TPR: variants seen among roughly 807,000 people sequenced by gnomAD.
TPR encodes nucleoprotein TPR.
In TPR, 51 loss-of-function variants were observed where a neutral mutation model predicts 316.1. The observed-to-expected ratio is 0.16, with a 90% CI of 0.13 to 0.20. The LOEUF is 0.20. Ranked by LOEUF, TPR falls within the 10% of genes least tolerant of loss-of-function variation. TPR has a pLI of 1.00. For synonymous variants in TPR, 981 were observed against 914.7 expected (o/e 1.07, Z -1.31); for missense variants, 2,272 against 2,754.8 (o/e 0.82, Z 3.92).
At chr1:186,374,022 T>TA (rs1209779475) in intron 1 of TPR, among the ~76,000 whole-genome samples, 2 of 152,238 alleles carry the variant, frequency 1.3e-5, no homozygotes, top group Non-Finnish European at 2.9e-5. Context: ...CAATGTACTA[T>TA]ACTCAGCTCT....
chr1:186,325,878 A>T (rs779468228), intron 41 of TPR, 24 bp from the exon 42 acceptor site: 1 of 1,604,076 alleles, frequency 6.2e-7, no homozygotes, highest in Non-Finnish European at 8.5e-7. Flanking sequence ...GTGGTAACAT[A>T]ATGCTCAAAT....
In TPR at chr1:186,320,328, C is replaced by A; in HGVS notation, c.6552G>T (p.Gln2184His). The change falls in exon 46 of 51, where the codon CAG (glutamine) becomes CAT (histidine). Residue 2184 changes from glutamine (Q) to histidine (H), a missense_variant. Gln to His is a conservative substitution (Grantham distance 24). Around this residue, in one of 10 missense-constraint regions of TPR, gnomAD observed 88 missense variants for 176.2 expected, o/e 0.50. Transcript: ENST00000367478. The stretch of plus-strand genomic sequence containing the variant: ...ACTATTTACCTCCTTGAGAAGCAAG[C>A]TGGCCAAGATCAGAGTGACTAGAAC... ...QTSSSHSDLG[Q>H]LASQGGLGMY... 1 of 1,609,580 alleles carries A rather than the reference C, an allele frequency of 6.2e-7. No homozygotes were observed. Among genetic ancestry groups the A allele is most frequent in the Non-Finnish European group, 8.5e-7 (1 of 1,177,456 alleles).
chr1:186,356,551 C>T, intron 14 of TPR, 102 bp from the exon 15 acceptor site: 2 of 1,116,152 alleles, frequency 1.8e-6, no homozygotes, highest in Non-Finnish European at 1.2e-6. Flanking sequence ...ATTCATCATA[C>T]CATTTTTGTC....
intron 41 of TPR, 26 bp downstream of exon 41, chr1:186,326,078 G>C (rs1657922726): frequency 6.2e-7 from 1 of 1,613,256 alleles, no homozygotes; most frequent in African/African-American, 1.3e-5. Context: ...AAAGAACTAT[G>C]AATGGTTAAA....
At position 186,313,839 on chromosome 1, in the gene TPR, A is replaced by T. The variant is rs1553226197; in HGVS notation, c.*132T>A. On this transcript the variant is annotated 3_prime_UTR_variant, in exon 51 of 51. Transcript: ENST00000367478. ...ATGAATAATAAATTTTGACACTGAAAAACATTTTATTAATAAAGAATATTG... is the reference window on the plus strand; with the variant it reads ...ATGAATAATAAATTTTGACACTGAATAACATTTTATTAATAAAGAATATTG... 4.0e-6 allele frequency: 6 copies of T among 1,499,860 alleles called. No individual in the cohort carries two copies. The South Asian group carries it at 5.6e-5, about 14-fold the overall frequency. 92.9% of individuals were successfully genotyped at this position (1,499,860 alleles called of 1,614,324 possible). A position where few individuals can be genotyped will look rare whatever the true frequency, so the allele number is the denominator to read the frequency against.
chr1:186,324,367 G>A (rs1285185004), intron 42 of TPR, among the ~76,000 whole-genome samples: 1 of 152,186 alleles, frequency 6.6e-6, no homozygotes, highest in East Asian at 1.9e-4. Context: ...AAAGGATAAA[G>A]ACAGAGGAGA....
At position 186,360,179 on chromosome 1, in the gene TPR, T is replaced by C; in HGVS notation, c.1191+94A>G. The C allele has an allele frequency of 2.8e-6, 4 of 1,439,978 alleles. No individual in the cohort carries two copies. The South Asian group carries it at 5.0e-5, about 18-fold the overall frequency. 89.2% of individuals were successfully genotyped at this position (1,439,978 alleles called of 1,614,324 possible). On this transcript the variant is annotated intron_variant, in intron 11 of 50. Coordinates refer to ENST00000367478, the MANE Select transcript of TPR (RefSeq NM_003292.3). ...AATGATCCACTAATTATAAGATGAT[T>C]TTAAAAATAAGTTTTGGGAGAATTA...
intron 49 of TPR, among the ~76,000 whole-genome samples, chr1:186,316,492 TG>T (rs1657617027): frequency 6.6e-6 from 1 of 152,212 alleles, no homozygotes. Flanking sequence ...CCATAAAATC[TG>T]AAGGTTCCAT....
In TPR at chr1:186,322,534, G is replaced by A. The variant is rs1315788077; in HGVS notation, c.6350C>T (p.Pro2117Leu). 6.2e-7 allele frequency: 1 copy of A among 1,613,896 alleles called. No homozygotes were observed. Among genetic ancestry groups the A allele is most frequent in the African/African-American group, 1.3e-5 (1 of 74,914 alleles). Residue 2117 changes from proline (P) to leucine (L), a missense_variant, in exon 44 of 51, where the codon CCA (proline) becomes CTA (leucine). Physicochemically the swap from Pro to Leu is moderately conservative, Grantham distance 98 (BLOSUM62 -3). This residue lies in a region of TPR where 88 missense variants were observed against 176.2 expected (regional missense o/e 0.50). Coordinates refer to ENST00000367478, the MANE Select transcript of TPR (RefSeq NM_003292.3). The stretch of plus-strand genomic sequence containing the variant: ...AGTACTTACCATGCCACCTATTCCT[G>A]GAGTCAACTGAAGGCCACGTCCTAC... ...QSVGRGLQLT[P>L]GIGGMQQHFF...
chr1:186,369,685 GTAAAGA>G (rs942066076), intron 3 of TPR, among the ~76,000 whole-genome samples: 130 of 152,186 alleles, frequency 8.5e-4, no homozygotes, highest in African/African-American at 3.1e-3. Flanking sequence ...TAATCTATAA[GTAAAGA>G]TAATTTTATT....
Position 186,336,535 on chromosome 1 carries a change from C to T in TPR, c.4666G>A (p.Ala1556Thr). 6.2e-7 allele frequency: 1 copy of T among 1,613,898 alleles called. No homozygotes were observed. ...ITEKEEKTRK[A>T]IVAAKSKIAH... ...ATTTTTGACTTTGCTGCTACAATAGCCTTTCTGGTTTTTTCTTCCTTTTCA... is the reference window on the plus strand; with the variant it reads ...ATTTTTGACTTTGCTGCTACAATAGTCTTTCTGGTTTTTTCTTCCTTTTCA... The change falls in exon 33 of 51, where the codon GCT becomes ACT. Residue 1556 changes from alanine to threonine, a missense_variant. By Grantham distance (58) the Ala-to-Thr change is moderately conservative (BLOSUM62 0). Transcript: ENST00000367478.
intron 13 of TPR, 48 bp downstream of exon 13, chr1:186,358,495 G>A (rs1571631721): frequency 7.1e-7 from 1 of 1,408,128 alleles, no homozygotes; most frequent in East Asian, 2.3e-5. Flanking sequence ...AAAGATTACT[G>A]GGCAGTCAGG....
At chr1:186,347,504 T>C (rs1658720169) in intron 21 of TPR, 46 bp from the exon 22 acceptor site, 2 of 1,585,138 alleles carry the variant, frequency 1.3e-6, no homozygotes, top group Non-Finnish European at 1.7e-6. Context: ...TTCAATAGTA[T>C]TAGAGATGAC....
rs997820118 is a variant in TPR, at chr1:186,339,735, T to C, written c.4058A>G (p.Glu1353Gly). The C allele has an allele frequency of 6.2e-7, 1 of 1,605,742 alleles. No individual in the cohort carries two copies. The highest frequency in any genetic ancestry group is 1.3e-5 in the African/African-American group (1 of 74,510). ...CTTTTCAGAAAGGAGCTTCCGATAT[T>C]CTTCTGTATCTGGATCTTTCTGTTG... ...VSQQKDPDTE[E>G]YRKLLSEKEV... Residue 1353 changes from glutamate (E) to glycine (G), a missense_variant, in exon 30 of 51, where the codon GAA (glutamate) becomes GGA (glycine). By Grantham distance (98) the Glu-to-Gly change is moderately conservative. Transcript: ENST00000367478.
chr1:186,327,378 A>G, intron 40 of TPR, 82 bp downstream of exon 40: 2 of 1,235,584 alleles, frequency 1.6e-6, no homozygotes, highest in Non-Finnish European at 2.2e-6. Flanking sequence ...CAGAATTTAC[A>G]GCCAATGCAT....
rs201964163 is a variant in TPR at position 186,337,160 on chromosome 1, A to C, written c.4363-4T>G. The C allele has an allele frequency of 3.7e-4, 590 of 1,611,936 alleles. No individual in the cohort carries two copies. Among genetic ancestry groups the C allele is most frequent in the Non-Finnish European group, 4.8e-4 (563 of 1,178,934 alleles). On this transcript the variant is annotated splice_region_variant and splice_polypyrimidine_tract_variant and intron_variant, in intron 31 of 50. Coordinates refer to ENST00000367478, the MANE Select transcript of TPR (RefSeq NM_003292.3). ...ACTGAGCCGATGTCTCCATAACCTA[A>C]GACAACAAACAGTAATAATACACTC...
At chr1:186,325,580 A>G in intron 42 of TPR, 184 bp downstream of exon 42, 1 of 487,624 alleles carries the variant, frequency 2.1e-6, no homozygotes, top group East Asian at 3.1e-5. Context: ...GAGTATAATG[A>G]CAGCACCTAA....
chr1:186,375,178 G>T lies in TPR; in HGVS notation c.-150C>A. On this transcript the variant is annotated 5_prime_UTR_variant, in exon 1 of 51. Transcript: ENST00000367478. ...GCGCCCGCCCGCCGGAGACTCCCGC[G>T]GCGGGACCCTGGGAAATCGAGTCCA... 6.5e-7 allele frequency: 1 copy of T among 1,536,880 alleles called. No individual in the cohort carries two copies. The highest frequency in any genetic ancestry group is 2.5e-5 in the East Asian group (1 of 40,580).
chr1:186,369,897 CAT>C lies in TPR; in HGVS notation c.330+1071_330+1072del, dbSNP rs997483214. Among the ~76,000 whole-genome samples, 28 of 151,968 alleles carry C rather than the reference CAT, an allele frequency of 1.8e-4. No individual in the cohort carries two copies. In the Middle Eastern group the frequency reaches 0.01, roughly 55 times the overall value. On this transcript the variant is annotated intron_variant, in intron 3 of 50. Coordinates refer to ENST00000367478, the MANE Select transcript of TPR (RefSeq NM_003292.3). ...AATTCTATTACTTTTTAAGTCACTT[CAT>C]AGTTTTTTTTTTCTGAAAAATTTTA...
Sources: allele counts gnomAD v4.1 joint callset (sites outside exome capture counted in the v4.1 genomes callset), GRCh38; gene constraint gnomAD v4.1.1; regional missense constraint gnomAD v4.1.1; transcripts MANE v1.5; gene names NCBI Gene and HGNC (gene_info 2026-07-23, HGNC 2026-07-21).